Variants in TJP2 observed in about 807,000 individuals in gnomAD.
TJP2 encodes tight junction protein 2.
Under a neutral mutation model 133.1 loss-of-function variants are expected in TJP2, and 91 were observed. That is an observed-to-expected ratio of 0.68 (90% CI 0.58 to 0.81). The LOEUF is 0.81. Ranked by LOEUF, TJP2 falls within the 40% of genes least tolerant of loss-of-function variation. The probability of loss-of-function intolerance (pLI) is 0.00; values close to 1 mark genes in which losing one functional copy is unlikely to be tolerated. For missense variants in TJP2, 1,541 were observed against 1,565.6 expected (o/e 0.98, Z 0.26); for synonymous variants, 592 against 583.4 (o/e 1.01, Z -0.21).
At chr9:69,246,906 T>C in intron 18 of TJP2, 116 bp downstream of exon 18, 2 of 933,556 alleles carry the variant, frequency 2.1e-6, no homozygotes, top group Non-Finnish European at 3.5e-6. Flanking sequence ...ACATGTGTGC[T>C]AATCAAGTTT....
At chr9:69,170,232 A>G (rs1325812143), upstream of TJP2, among the ~76,000 whole-genome samples, 3 of 152,224 alleles carry the variant, frequency 2.0e-5, no homozygotes, top group Admixed American at 6.5e-5. Context: ...CAATAACTAA[A>G]TTTAAAAAGA....
chr9:69,205,664 T>C (rs3927676), intron 1 of TJP2, among the ~76,000 whole-genome samples: 57,799 of 152,160 alleles, frequency 0.38, 11,240 homozygotes, highest in South Asian at 0.44. Context: ...AAAAAGTGTT[T>C]TTCACATGTT....
chr9:69,247,860 C>T (rs1418782571), intron 18 of TJP2, 152 bp from the exon 19 acceptor site: 3 of 737,974 alleles, frequency 4.1e-6, no homozygotes, highest in Non-Finnish European at 4.2e-6. Context: ...GTACCAAAGC[C>T]AAGTGATCTC....
chr9:69,242,156 T>G (rs1830621354), intron 17 of TJP2, among the ~76,000 whole-genome samples: 1 of 152,186 alleles, frequency 6.6e-6, no homozygotes, highest in Admixed American at 6.5e-5. Flanking sequence ...AGCCAGTGAC[T>G]GTGGGGCTCT....
chr9:69,134,265 T>C (rs1454471934), intron 1 of TJP2, among the ~76,000 whole-genome samples: 1 of 152,074 alleles, frequency 6.6e-6, no homozygotes, highest in East Asian at 1.9e-4. Context: ...GTCAGCAAAA[T>C]AGGTCTCTGC....
Position 69,254,150 on chromosome 9 carries a change from C to T in TJP2, c.3408-59C>T, listed in dbSNP as rs539101822. 280 of 1,598,074 alleles carry T rather than the reference C, an allele frequency of 1.8e-4. No homozygotes were observed. The African/African-American group carries it at 2.8e-3, about 16-fold the overall frequency. On this transcript the variant is annotated intron_variant, in intron 22 of 22. Coordinates refer to ENST00000377245, the MANE Select transcript of TJP2 (RefSeq NM_004817.4). The stretch of plus-strand genomic sequence containing the variant: ...CACTGTGCTCAGAGCCATGCCTCCC[C>T]GGGCAGCCGGAGGACATGGATGTGC...
At chr9:69,178,264 T>C (rs1825241842) in intron 1 of TJP2, among the ~76,000 whole-genome samples, 1 of 152,228 alleles carries the variant, frequency 6.6e-6, no homozygotes, top group Non-Finnish European at 1.5e-5. Context: ...GAGATACATA[T>C]TCTATTTTTC....
chr9:69,179,511 CTT>C (rs563179558), intron 1 of TJP2, among the ~76,000 whole-genome samples: 15 of 139,074 alleles, frequency 1.1e-4, no homozygotes, highest in Non-Finnish European at 1.7e-4. Flanking sequence ...CTTTTTCTTT[CTT>C]TTTTTTTTTT....
chr9:69,238,031 G>C (rs1830318951), intron 15 of TJP2, 58 bp downstream of exon 15: 3 of 1,272,626 alleles, frequency 2.4e-6, no homozygotes, highest in Non-Finnish European at 3.4e-6. Context: ...ATTTCTAACA[G>C]AGGAGTTGGA....
chr9:69,211,636 G>T (rs917030057), intron 1 of TJP2, among the ~76,000 whole-genome samples: 1 of 152,156 alleles, frequency 6.6e-6, no homozygotes, highest in Non-Finnish European at 1.5e-5. Flanking sequence ...TGTTTGGCAG[G>T]GTGTGGTCAC....
At chr9:69,131,030 A>G (rs1471887157) in intron 1 of TJP2, among the ~76,000 whole-genome samples, 1 of 152,182 alleles carries the variant, frequency 6.6e-6, no homozygotes, top group African/African-American at 2.4e-5. Flanking sequence ...ACAGAGTCAC[A>G]TGTGGACTTT....
intron 17 of TJP2, among the ~76,000 whole-genome samples, chr9:69,244,893 A>G (rs1830819662): frequency 6.6e-6 from 1 of 152,244 alleles, no homozygotes. Flanking sequence ...TATTTCCTGC[A>G]TCTCACAAAA....
At chr9:69,184,057 A>G (rs3002374) in intron 1 of TJP2, among the ~76,000 whole-genome samples, 137,795 of 152,242 alleles carry the variant, frequency 0.91, 62,440 homozygotes, top group Middle Eastern at 0.95. Flanking sequence ...TCTGAAGTCA[A>G]ATAAACCTGG....
intron 1 of TJP2, among the ~76,000 whole-genome samples, chr9:69,150,629 C>T (rs761153345): frequency 6.6e-5 from 10 of 152,084 alleles, no homozygotes; most frequent in Admixed American, 2.6e-4. Context: ...TTTTCTCACC[C>T]GCTGATATTT....
chr9:69,157,225 G>A (rs190359783), intron 2 of TJP2, among the ~76,000 whole-genome samples: 3 of 152,312 alleles, frequency 2.0e-5, no homozygotes, highest in Non-Finnish European at 4.4e-5. Flanking sequence ...ATGATGAAAT[G>A]TGGGTGCTTA....
chr9:69,251,386 A>C, intron 21 of TJP2, 22 bp downstream of exon 21: 1 of 1,604,490 alleles, frequency 6.2e-7, no homozygotes, highest in South Asian at 1.1e-5. Context: ...TAAACTACAC[A>C]TCATCAATAA....
At chr9:69,197,740 G>GCA (rs1826689574) in intron 1 of TJP2, among the ~76,000 whole-genome samples, 2 of 152,152 alleles carry the variant, frequency 1.3e-5, no homozygotes, top group South Asian at 4.1e-4. Flanking sequence ...TTGCAGATAG[G>GCA]CAACCAAGTC....
chr9:69,238,133 GACACACATACAC>G (rs1830327031), intron 15 of TJP2, among the ~76,000 whole-genome samples, 160 bp downstream of exon 15: 1 of 152,022 alleles, frequency 6.6e-6, no homozygotes, highest in African/African-American at 2.4e-5. Context: ...CTGCACCATA[GACACACATACAC>G]ACACACATAC....
intron 1 of TJP2, among the ~76,000 whole-genome samples, chr9:69,130,045 A>G (rs1822426090): frequency 6.6e-6 from 1 of 151,906 alleles, no homozygotes; most frequent in Admixed American, 6.6e-5. Flanking sequence ...AAAAGAAAAA[A>G]AAGAAAAAGA....
Sources: gnomAD v4.1 joint callset for allele counts (sites outside exome capture counted in the v4.1 genomes callset) on GRCh38, gnomAD v4.1.1 for gene constraint, MANE v1.5 for transcripts, NCBI Gene and HGNC (gene_info 2026-07-23, HGNC 2026-07-21) for gene names.